Variants in GALNTL6 observed in about 807,000 individuals in gnomAD.
GALNTL6 encodes the protein polypeptide N-acetylgalactosaminyltransferase like 6.
A neutral mutation model predicts 73.7 loss-of-function variants in GALNTL6; 46 were observed. That is an observed-to-expected ratio of 0.62 (90% confidence interval 0.49 to 0.80). The LOEUF is 0.80. Ranked by LOEUF, GALNTL6 falls within the 30% of genes least tolerant of loss-of-function variation. The pLI is 0.00. For missense variants in GALNTL6, 604 were observed against 755.0 expected, an observed-to-expected ratio of 0.80 and a Z score of 2.34; for synonymous variants, 259 against 263.7, an observed-to-expected ratio of 0.98 and a Z score of 0.17.
intron 5 of GALNTL6, among the ~76,000 whole-genome samples, chr4:172,747,852 C>T (rs1348103766): frequency 7.3e-6 from 1 of 136,536 alleles, no homozygotes; most frequent in African/African-American, 2.6e-5. Flanking sequence ...AAAAAAAAAG[C>T]CACAGGAAAA....
rs188353941 is a variant in GALNTL6 at position 172,620,574 on chromosome 4, A to T, written c.554-188787A>T. Among the ~76,000 whole-genome samples, 157 of 152,326 alleles carry T rather than the reference A, an allele frequency of 1.0e-3. 1 individual carries two copies. Among genetic ancestry groups the T allele is most frequent in the South Asian group, 1.2e-3 (6 of 4,828 alleles). ...TCTTGCAAGCACCGAAGACAGAATTATATCAATGACTTTATCCATCAAACA... is the reference window on the plus strand; with the variant it reads ...TCTTGCAAGCACCGAAGACAGAATTTTATCAATGACTTTATCCATCAAACA... On this transcript the variant is annotated intron_variant, in intron 5 of 12. Coordinates refer to ENST00000506823, the MANE Select transcript of GALNTL6 (RefSeq NM_001034845.3).
intron 5 of GALNTL6, among the ~76,000 whole-genome samples, chr4:172,608,295 G>A (rs1738384834): frequency 6.6e-6 from 1 of 152,036 alleles, no homozygotes; most frequent in South Asian, 2.1e-4. Context: ...TGCACCTTGA[G>A]TTATTTTTTT....
At chr4:172,901,980 C>T (rs1284811349) in intron 8 of GALNTL6, among the ~76,000 whole-genome samples, 1 of 152,108 alleles carries the variant, frequency 6.6e-6, no homozygotes, top group Admixed American at 6.6e-5. Flanking sequence ...TCAAATGTTT[C>T]TAGATTAGCC....
intron 3 of GALNTL6, among the ~76,000 whole-genome samples, chr4:172,235,889 A>G (rs1254650958): frequency 6.6e-6 from 1 of 152,148 alleles, no homozygotes; most frequent in African/African-American, 2.4e-5. Flanking sequence ...TCCCACTTAT[A>G]AGTAAGAATA....
At chr4:171,978,216 T>A (rs995670271) in intron 2 of GALNTL6, among the ~76,000 whole-genome samples, 1 of 151,966 alleles carries the variant, frequency 6.6e-6, no homozygotes, top group African/African-American at 2.4e-5. Flanking sequence ...TATTTACCAT[T>A]TTAAAATATT....
rs554901217 is a variant in GALNTL6, at chr4:172,887,393, C to T, written c.1041+4486C>T. 7.9e-5 allele frequency among the ~76,000 whole-genome samples: 12 copies of T among 152,160 alleles called. No homozygotes were observed. The East Asian group carries it at 1.5e-3, about 20-fold the overall frequency. The stretch of plus-strand genomic sequence containing the variant: ...TTCTATTTTTAGAACCAGCAACCAA[C>T]CCCAGCATGGTAGTTCTATTTTTAT... On this transcript the variant is annotated intron_variant, in intron 8 of 12. Coordinates refer to ENST00000506823, the MANE Select transcript of GALNTL6 (RefSeq NM_001034845.3).
chr4:172,912,465 GA>G lies in GALNTL6; in HGVS notation c.1042-18695del, dbSNP rs1406241977. ...AGAGGTCAGGGAATTCCCTTTCCTA[GA>G]CAAGGGAAGCCATGACAGACGGTAC... On this transcript the variant is annotated intron_variant, in intron 8 of 12. Coordinates refer to ENST00000506823, the MANE Select transcript of GALNTL6 (RefSeq NM_001034845.3). 7.2e-5 allele frequency among the ~76,000 whole-genome samples: 11 copies of G among 152,324 alleles called. No homozygotes were observed. The East Asian group carries it at 2.1e-3, about 29-fold the overall frequency.
At chr4:172,341,640 A>G (rs888580311) in intron 4 of GALNTL6, among the ~76,000 whole-genome samples, 3 of 151,964 alleles carry the variant, frequency 2.0e-5, no homozygotes, top group African/African-American at 4.8e-5. Flanking sequence ...GTGAATGGGT[A>G]TCACGAGATC....
intron 5 of GALNTL6, among the ~76,000 whole-genome samples, chr4:172,531,986 C>A (rs1016053911): frequency 6.6e-6 from 1 of 152,172 alleles, no homozygotes; most frequent in Non-Finnish European, 1.5e-5. Context: ...AACCACAGAG[C>A]ATTAAACTCC....
chr4:172,298,185 A>T (rs1310156331), intron 3 of GALNTL6, among the ~76,000 whole-genome samples: 2 of 152,036 alleles, frequency 1.3e-5, no homozygotes, highest in South Asian at 4.1e-4. Flanking sequence ...AATGCTTGTG[A>T]TTTTTGCACA....
chr4:172,248,621 C>A (rs1737741545), intron 3 of GALNTL6, among the ~76,000 whole-genome samples: 1 of 152,138 alleles, frequency 6.6e-6, no homozygotes, highest in African/African-American at 2.4e-5. Context: ...TGTGTCCCCA[C>A]CCAAAGCTCA....
chr4:173,038,397 C>G (rs970277763), intron 12 of GALNTL6, among the ~76,000 whole-genome samples: 10 of 152,106 alleles, frequency 6.6e-5, no homozygotes, highest in Non-Finnish European at 1.0e-4. Flanking sequence ...TGAGCTGCAG[C>G]CTGCATTCTC....
chr4:172,558,827 A>G (rs1219420223), intron 5 of GALNTL6, among the ~76,000 whole-genome samples: 2 of 152,148 alleles, frequency 1.3e-5, no homozygotes, highest in East Asian at 1.9e-4. Context: ...TGCCGAAAAT[A>G]TAAGTTGATC....
intron 5 of GALNTL6, among the ~76,000 whole-genome samples, chr4:172,752,093 C>T: frequency 6.9e-6 from 1 of 145,904 alleles, no homozygotes; most frequent in East Asian, 2.0e-4. Flanking sequence ...CAAAACCCTA[C>T]AAGTGAGAAC....
At chr4:172,060,275 C>T (rs1198014581) in intron 2 of GALNTL6, among the ~76,000 whole-genome samples, 2 of 152,060 alleles carry the variant, frequency 1.3e-5, no homozygotes, top group African/African-American at 2.4e-5. Flanking sequence ...TCTGTATGTA[C>T]ATACATATAT....
At chr4:172,949,906 C>T (rs1179860768) in intron 9 of GALNTL6, among the ~76,000 whole-genome samples, 1 of 128,154 alleles carries the variant, frequency 7.8e-6, no homozygotes, top group South Asian at 2.4e-4. Flanking sequence ...GAGACTCTGT[C>T]TCAAAAAAAA....
At chr4:171,933,031 T>A (rs1269634117) in intron 2 of GALNTL6, among the ~76,000 whole-genome samples, 2 of 152,168 alleles carry the variant, frequency 1.3e-5, no homozygotes, top group East Asian at 1.9e-4. Flanking sequence ...TGAATTAGAA[T>A]CTCCATCTTA....
At chr4:171,868,704 C>T (rs942651850) in intron 2 of GALNTL6, among the ~76,000 whole-genome samples, 27 of 151,678 alleles carry the variant, frequency 1.8e-4, no homozygotes, top group African/African-American at 5.6e-4. Flanking sequence ...TTTTTTTAGA[C>T]GGAGTCCTGC....
chr4:172,892,602 ATTCTTT>A (rs1394380358), intron 8 of GALNTL6, among the ~76,000 whole-genome samples: 5 of 130,108 alleles, frequency 3.8e-5, no homozygotes, highest in Non-Finnish European at 7.9e-5. Context: ...CATATTTTTA[ATTCTTT>A]TTTTTTTTTT....
Sources: allele counts gnomAD v4.1 joint callset (sites outside exome capture counted in the v4.1 genomes callset), GRCh38; gene constraint gnomAD v4.1.1; transcripts MANE v1.5; gene names NCBI Gene and HGNC (gene_info 2026-07-23, HGNC 2026-07-21).